Variants in ARHGEF1 observed in about 807,000 individuals in gnomAD.
ARHGEF1 encodes the protein Rho guanine nucleotide exchange factor 1, also known as 115 kDa guanine nucleotide exchange factor.
Under a neutral mutation model 119.7 loss-of-function variants are expected in ARHGEF1, and 40 were observed. The observed-to-expected ratio is 0.33, with a 90% confidence interval of 0.26 to 0.44. The LOEUF is 0.44. Ranked by LOEUF, ARHGEF1 falls within the 20% of genes least tolerant of loss-of-function variation. ARHGEF1 has a pLI of 1.00. For missense variants in ARHGEF1, 976 were observed against 1,268.3 expected (o/e 0.77, Z 3.50); for synonymous variants, 494 against 521.0 (o/e 0.95, Z 0.71).
At chr19:41,896,805 TCCCCTCTCCTCTCTCACC>T (rs2074500572) in intron 13 of ARHGEF1, 1 of 355,944 alleles carries the variant, frequency 2.8e-6, no homozygotes, top group African/African-American at 4.5e-5. Context: ...CTCTCTCACC[TCCCCTCTCCTCTCTCACC>T]TCCCCCATCC....
chr19:41,910,140 A>C (rs2074744051), downstream of ARHGEF1: 1 of 1,572,462 alleles, frequency 6.4e-7, no homozygotes, highest in Non-Finnish European at 8.6e-7. This position sits in a 1 kb window ranked among gnomAD's most constrained non-coding sequence, Gnocchi z 4.4. Flanking sequence ...CAGGATGCCA[A>C]GTCCAGGGCT....
chr19:41,884,609 G>A, intron 1 of ARHGEF1: 10 of 1,373,920 alleles, frequency 7.3e-6, no homozygotes, highest in Middle Eastern at 3.6e-4. Context: ...CGTAAGACCC[G>A]CCACGTCCAT....
At chr19:41,912,135 A>C (rs2145884380), downstream of ARHGEF1, among the ~76,000 whole-genome samples, 1 of 152,338 alleles carries the variant, frequency 6.6e-6, no homozygotes, top group East Asian at 1.9e-4. Context: ...CGCCCAGCCC[A>C]GAGACACTCA....
chr19:41,922,160 C>T (rs1366739069), upstream of ARHGEF1, among the ~76,000 whole-genome samples: 1 of 152,086 alleles, frequency 6.6e-6, no homozygotes, highest in African/African-American at 2.4e-5. Context: ...CCCAGAGACC[C>T]AGAGTCCTTC....
downstream of ARHGEF1, chr19:41,909,268 A>C (rs1044732683): frequency 1.1e-5 from 13 of 1,232,062 alleles, no homozygotes; most frequent in African/African-American, 1.9e-4. This position sits in a 1 kb window ranked among gnomAD's most constrained non-coding sequence, Gnocchi z 5.2. Context: ...CCCAGTACCC[A>C]GACTCACCTC....
intron 2 of ARHGEF1, chr19:41,929,056 C>A: frequency 2.8e-6 from 1 of 355,096 alleles, no homozygotes; most frequent in Non-Finnish European, 5.8e-6. Context: ...CACACACACA[C>A]AGACCTGCCA....
In ARHGEF1 at chr19:41,904,398, T is replaced by TG; in HGVS notation, c.2161+16dup. The TG allele has an allele frequency of 6.5e-7, 1 of 1,549,838 alleles. No individual in the cohort carries two copies. ...GGTGGCCACCGGTGAGTGCAGCCAC[T>TG]GCATGGCCCAGGGCAGAGGGTGTCT... On this transcript the variant is annotated intron_variant, in intron 22 of 28. Coordinates refer to ENST00000354532, the MANE Select transcript of ARHGEF1 (RefSeq NM_004706.4). The surrounding 1 kb of genome is among the most constrained non-coding windows in gnomAD (Gnocchi z 8.4).
Position 41,905,193 on chromosome 19 carries a change from T to C in ARHGEF1, c.2268T>C (p.Thr756=). The C allele has an allele frequency of 6.2e-7, 1 of 1,614,014 alleles. No individual in the cohort carries two copies. Among genetic ancestry groups the C allele is most frequent in the Non-Finnish European group, 8.5e-7 (1 of 1,179,948 alleles). Residue 756 remains threonine (T), a synonymous_variant, in exon 24 of 29, where the codon ACT becomes ACC. Transcript: ENST00000354532. The surrounding 1 kb of genome is among the most constrained non-coding windows in gnomAD (Gnocchi z 6.4). ...SERKNWCALI[T]ETAGSLKVPA... ...TCCCCAGCTGGTGTGCTCTCATCACTGAGACTGCCGGATCCCTGAAAGTCC... is the reference window on the plus strand; with the variant it reads ...TCCCCAGCTGGTGTGCTCTCATCACCGAGACTGCCGGATCCCTGAAAGTCC...
rs868935198 is a variant in ARHGEF1, at chr19:41,896,570, C to T, written c.1121+88C>T. The T allele has an allele frequency of 7.6e-6, 8 of 1,055,140 alleles. No individual in the cohort carries two copies. The Middle Eastern group carries it at 7.9e-4, about 104-fold the overall frequency. 65.4% of individuals were successfully genotyped at this position (1,055,140 alleles called of 1,614,324 possible). A position where few individuals can be genotyped will look rare whatever the true frequency, so the allele number is the denominator to read the frequency against. ...GGGTCACCGCTGCCATCTGTGCCTG[C>T]CTGTCCCAGGCTCTTGCTCCCCATG... On this transcript the variant is annotated intron_variant, in intron 13 of 28. Transcript: ENST00000354532.
downstream of ARHGEF1, chr19:41,908,345 G>A (rs2074730599): frequency 1.6e-6 from 2 of 1,231,356 alleles, no homozygotes; most frequent in Non-Finnish European, 2.0e-6. The surrounding 1 kb of genome is among the most constrained non-coding windows in gnomAD (Gnocchi z 6.7). Flanking sequence ...CCGAGTCGCT[G>A]TCCTCCTTCC....
In ARHGEF1 at chr19:41,902,903, C is replaced by T. The variant is rs113602085; in HGVS notation, c.1738+5C>T. On this transcript the variant is annotated splice_donor_5th_base_variant and intron_variant, in intron 18 of 28. Transcript: ENST00000354532. The surrounding 1 kb of genome is among the most constrained non-coding windows in gnomAD (Gnocchi z 6.5). ...AGAGCATCGGGCAGAACACAGGTAC[C>T]GCGGGCCTGGATCTCTGGGCCTCGG... 7.4e-5 allele frequency: 116 copies of T among 1,573,780 alleles called. No individual in the cohort carries two copies. The highest frequency in any genetic ancestry group is 1.8e-4 in the Admixed American group (9 of 49,494).
chr19:41,892,098 A>G lies in ARHGEF1; in HGVS notation c.299A>G (p.Tyr100Cys). 6.2e-7 allele frequency: 1 copy of G among 1,613,246 alleles called. No individual in the cohort carries two copies. The highest frequency in any genetic ancestry group is 8.5e-7 in the Non-Finnish European group (1 of 1,179,480). The change falls in exon 5 of 29, where the codon TAC (tyrosine) becomes TGC (cysteine). Residue 100 changes from tyrosine (Y) to cysteine (C), a missense_variant. This residue lies in a region of ARHGEF1 where 519 missense variants were observed against 580.9 expected (regional missense o/e 0.89). Coordinates refer to ENST00000354532, the MANE Select transcript of ARHGEF1 (RefSeq NM_004706.4). This position sits in a 1 kb window ranked among gnomAD's most constrained non-coding sequence, Gnocchi z 6.3. ...GCCAAGAAGGCCTTCCTGGACTTCT[A>G]CCACAGCTTCCTGGAGAAGACAGCG... ...KEAKKAFLDF[Y>C]HSFLEKTAVL...
chr19:41,918,332 C>T (rs139045563), upstream of ARHGEF1, among the ~76,000 whole-genome samples: 13 of 150,510 alleles, frequency 8.6e-5, no homozygotes, highest in Admixed American at 2.0e-4. Flanking sequence ...TACACACACA[C>T]GGTACACACC....
chr19:41,921,039 T>C (rs2074839068), upstream of ARHGEF1, among the ~76,000 whole-genome samples: 1 of 151,934 alleles, frequency 6.6e-6, no homozygotes, highest in Non-Finnish European at 1.5e-5. The surrounding 1 kb of genome is among the most constrained non-coding windows in gnomAD (Gnocchi z 4.4). Context: ...CTCCGAATGG[T>C]GTCAGTTGAG....
intron 1 of ARHGEF1, among the ~76,000 whole-genome samples, chr19:41,924,425 G>A (rs1555853050): frequency 6.6e-6 from 1 of 152,098 alleles, no homozygotes; most frequent in Non-Finnish European, 1.5e-5. Flanking sequence ...GGTCCTGTGA[G>A]GACAAATGAG....
chr19:41,895,506 G>T lies in ARHGEF1; in HGVS notation c.1015+20G>T. On this transcript the variant is annotated intron_variant, in intron 12 of 28. Transcript: ENST00000354532. ...AACCAGGTGAGAGTTTCCTGGGCCA[G>T]GGCTCCATGAGGCCCGGCGATCCAG... The T allele has an allele frequency of 6.3e-7, 1 of 1,579,000 alleles. No homozygotes were observed.
Position 41,903,906 on chromosome 19 carries a change from C to T in ARHGEF1, c.1917+122C>T. 7.4e-7 allele frequency: 1 copy of T among 1,357,564 alleles called. No individual in the cohort carries two copies. Among genetic ancestry groups the T allele is most frequent in the African/African-American group, 1.4e-5 (1 of 69,576 alleles). The allele number at this position is 1,357,564 out of a possible 1,614,324, so 84.1% of individuals were successfully genotyped here. On this transcript the variant is annotated intron_variant, in intron 20 of 28. Coordinates refer to ENST00000354532, the MANE Select transcript of ARHGEF1 (RefSeq NM_004706.4). The surrounding 1 kb of genome is among the most constrained non-coding windows in gnomAD (Gnocchi z 4.2). The stretch of plus-strand genomic sequence containing the variant: ...CACCCAGGAAGCGAGAGCTCTGTCC[C>T]CCACCTCATGCCAATCCCATGATCC...
chr19:41,929,199 A>G (rs116930652), intron 2 of ARHGEF1, among the ~76,000 whole-genome samples: 1 of 151,938 alleles, frequency 6.6e-6, no homozygotes, highest in East Asian at 1.9e-4. Flanking sequence ...TCCCCAACCC[A>G]CAGCCACTCC....
intron 1 of ARHGEF1, among the ~76,000 whole-genome samples, chr19:41,887,572 A>G (rs914397859): frequency 6.6e-6 from 1 of 152,104 alleles, no homozygotes; most frequent in African/African-American, 2.4e-5. Context: ...TTCCTGTCAC[A>G]GGAAGTGGGG....
Sources: gnomAD v4.1 joint callset for allele counts (sites outside exome capture counted in the v4.1 genomes callset) on GRCh38, gnomAD v4.1.1 for gene constraint, gnomAD v4.1.1 regional missense constraint, Gnocchi (gnomAD v3.1) non-coding constraint, MANE v1.5 for transcripts, NCBI Gene and HGNC (gene_info 2026-07-23, HGNC 2026-07-21) for gene names.